PCNX2: variants seen among roughly 807,000 people sequenced by gnomAD.
The protein encoded by PCNX2 is pecanex 2.
PCNX2 carries 168 observed loss-of-function variants against 223.8 expected under a neutral mutation model. The observed-to-expected ratio is 0.75, with a 90% CI of 0.66 to 0.85. The LOEUF (loss-of-function observed/expected upper bound fraction) is 0.85. Among genes scored for constraint, PCNX2 ranks in the 40% least tolerant of loss-of-function variants. The probability of loss-of-function intolerance (pLI) is 0.00; values close to 1 mark genes in which losing one functional copy is unlikely to be tolerated. For missense variants in PCNX2, 2,507 were observed against 2,675.5 expected, an observed-to-expected ratio of 0.94 and a Z score of 1.39; for synonymous variants, 1,006 against 1,052.6, an observed-to-expected ratio of 0.96 and a Z score of 0.86.
intron 5 of PCNX2, among the ~76,000 whole-genome samples, chr1:233,256,490 C>A (rs1423955449): frequency 6.6e-6 from 1 of 152,114 alleles, no homozygotes; most frequent in Non-Finnish European, 1.5e-5. Context: ...TCTGGGAAGG[C>A]CTTCATGCGC....
chr1:233,116,741 C>T (rs955920122), intron 21 of PCNX2, among the ~76,000 whole-genome samples: 6 of 151,520 alleles, frequency 4.0e-5, no homozygotes, highest in Non-Finnish European at 7.4e-5. Flanking sequence ...CCTCAAGAGC[C>T]CCCCCAAAAA....
intron 5 of PCNX2, among the ~76,000 whole-genome samples, chr1:233,255,355 C>G (rs1659677167): frequency 6.6e-6 from 1 of 152,182 alleles, no homozygotes; most frequent in African/African-American, 2.4e-5. Flanking sequence ...AACCTCCAAT[C>G]AGGGCACATC....
At chr1:233,271,913 CTCCA>C (rs1660658080) in intron 1 of PCNX2, among the ~76,000 whole-genome samples, 1 of 152,120 alleles carries the variant, frequency 6.6e-6, no homozygotes, top group Admixed American at 6.5e-5. Context: ...AATGTGATGC[CTCCA>C]GATTTGTTCT....
chr1:233,238,123 C>A (rs1424496479), intron 8 of PCNX2, among the ~76,000 whole-genome samples: 1 of 152,196 alleles, frequency 6.6e-6, no homozygotes, highest in Non-Finnish European at 1.5e-5. Flanking sequence ...CAACCTTGAA[C>A]AGATCATACC....
At chr1:233,166,228 T>C (rs1196800856) in intron 17 of PCNX2, among the ~76,000 whole-genome samples, 2 of 151,880 alleles carry the variant, frequency 1.3e-5, no homozygotes, top group African/African-American at 4.8e-5. Flanking sequence ...AACAAAAACA[T>C]CTTGATACTT....
At chr1:233,018,947 G>A in intron 26 of PCNX2, 5 of 985,464 alleles carry the variant, frequency 5.1e-6, no homozygotes, top group Non-Finnish European at 6.0e-6. Context: ...TTCAGTGACT[G>A]ACGCTTGTAA....
chr1:233,068,121 T>G (rs972954091), intron 23 of PCNX2, among the ~76,000 whole-genome samples: 1 of 152,208 alleles, frequency 6.6e-6, no homozygotes, highest in Non-Finnish European at 1.5e-5. Context: ...ATTGCAGATT[T>G]CTTATTAGAA....
At chr1:233,046,478 C>T (rs1671825177) in intron 25 of PCNX2, among the ~76,000 whole-genome samples, 1 of 152,166 alleles carries the variant, frequency 6.6e-6, no homozygotes, top group Non-Finnish European at 1.5e-5. Flanking sequence ...TTTTGTCAAG[C>T]TATATGCTCT....
At chr1:233,099,640 C>T (rs77879248) in intron 21 of PCNX2, among the ~76,000 whole-genome samples, 1,579 of 152,206 alleles carry the variant, frequency 0.01, 24 homozygotes, top group African/African-American at 0.037. Flanking sequence ...TACACTTTCC[C>T]CTTCTCTTTA....
intron 25 of PCNX2, among the ~76,000 whole-genome samples, chr1:233,032,393 G>C (rs185795362): frequency 6.6e-6 from 1 of 152,208 alleles, no homozygotes; most frequent in Non-Finnish European, 1.5e-5. Context: ...GTGAGCCACC[G>C]CACCCAGCCG....
At chr1:233,018,423 T>C (rs773407199) in intron 26 of PCNX2, among the ~76,000 whole-genome samples, 45 of 152,342 alleles carry the variant, frequency 3.0e-4, no homozygotes, top group Middle Eastern at 6.8e-3. Context: ...CTGTGATACA[T>C]TCACAAGTAA....
intron 4 of PCNX2, among the ~76,000 whole-genome samples, chr1:233,260,913 T>A (rs1421513884): frequency 6.6e-6 from 1 of 152,146 alleles, no homozygotes; most frequent in Admixed American, 6.5e-5. Context: ...ATATGCAGAA[T>A]GCTGTACAAT....
At chr1:233,029,268 T>A (rs1459841643) in intron 25 of PCNX2, among the ~76,000 whole-genome samples, 4 of 152,240 alleles carry the variant, frequency 2.6e-5, no homozygotes. Flanking sequence ...CTTATCACAA[T>A]CTACTATGAA....
At chr1:233,308,897 A>G in the PCNX2 span, among the ~76,000 whole-genome samples, 108 of 152,206 alleles carry the variant, frequency 7.1e-4, no homozygotes, top group Non-Finnish European at 1.5e-3. Flanking sequence ...ATATGTTGGT[A>G]ATATCTATAA....
intron 1 of PCNX2, among the ~76,000 whole-genome samples, chr1:233,286,878 A>T (rs1204947432): frequency 2.0e-5 from 3 of 152,208 alleles, no homozygotes; most frequent in African/African-American, 7.2e-5. Flanking sequence ...AGACTGTGCC[A>T]TCCTCATGTC....
At chr1:233,211,716 G>T (rs1681828196) in intron 12 of PCNX2, 1 of 938,350 alleles carries the variant, frequency 1.1e-6, no homozygotes, top group African/African-American at 1.8e-5. Flanking sequence ...GGGGAGGCAT[G>T]CATGTGGCAC....
intron 17 of PCNX2, among the ~76,000 whole-genome samples, chr1:233,163,619 A>G (rs1269582834): frequency 6.6e-6 from 1 of 151,296 alleles, no homozygotes; most frequent in African/African-American, 2.4e-5. Flanking sequence ...TATCCCCATA[A>G]AACCATAACC....
intron 21 of PCNX2, among the ~76,000 whole-genome samples, chr1:233,107,330 G>A (rs1486168137): frequency 6.6e-6 from 1 of 152,170 alleles, no homozygotes; most frequent in African/African-American, 2.4e-5. Context: ...CCAGGCTGCA[G>A]TGAGCTGTGA....
chr1:233,077,385 G>C (rs111312226), intron 23 of PCNX2, among the ~76,000 whole-genome samples: 1 of 152,048 alleles, frequency 6.6e-6, no homozygotes, highest in African/African-American at 2.4e-5. Flanking sequence ...AACCCTCACC[G>C]GTGTTTTCCT....
Sources: allele counts gnomAD v4.1 joint callset (sites outside exome capture counted in the v4.1 genomes callset), GRCh38; gene constraint gnomAD v4.1.1; transcripts MANE v1.5; gene names NCBI Gene and HGNC (gene_info 2026-07-23, HGNC 2026-07-21).